The following ACTN4 variants were observed in gnomAD, a reference collection of about 807,000 sequenced individuals.
ACTN4 encodes actinin alpha 4, also known as alpha-actinin-4.
In ACTN4, 18 loss-of-function variants were observed where a neutral mutation model predicts 114.2. The ratio of observed to expected loss-of-function variants is 0.16; its 90% confidence interval spans 0.11 to 0.23. The LOEUF (loss-of-function observed/expected upper bound fraction) is 0.23. Among genes scored for constraint, ACTN4 ranks in the 10% least tolerant of loss-of-function variants. The pLI is 1.00. For synonymous variants in ACTN4, 515 were observed against 506.3 expected (o/e 1.02, Z -0.23); for missense variants, 722 against 1,262.9 (o/e 0.57, Z 6.49).
intron 1 of ACTN4, chr19:38,648,116 G>T: frequency 1.9e-6 from 1 of 526,372 alleles, no homozygotes; most frequent in East Asian, 3.5e-5. Flanking sequence ...GAGAATTGGC[G>T]GCTGGGTGGG....
At chr19:38,694,879 C>CG (rs34150721) in intron 1 of ACTN4, among the ~76,000 whole-genome samples, 8,681 of 151,936 alleles carry the variant, frequency 0.057, 266 homozygotes, top group South Asian at 0.095. Context: ...TGTAATTTTG[C>CG]GGGGGGGCGG....
At chr19:38,702,257 G>A (rs764653028) in intron 3 of ACTN4, among the ~76,000 whole-genome samples, 1 of 152,222 alleles carries the variant, frequency 6.6e-6, no homozygotes, top group Non-Finnish European at 1.5e-5. Context: ...CTCTGTTCAT[G>A]CCCAAATTGG....
At chr19:38,648,627 A>G (rs1005794035) in intron 1 of ACTN4, among the ~76,000 whole-genome samples, 1 of 151,690 alleles carries the variant, frequency 6.6e-6, no homozygotes, top group African/African-American at 2.4e-5. Context: ...TGCGGAAGGA[A>G]GAAGTTAAGG....
intron 1 of ACTN4, among the ~76,000 whole-genome samples, chr19:38,691,410 AAAAACAAAAAAAAC>A (rs1392062321): frequency 6.7e-6 from 1 of 148,964 alleles, no homozygotes; most frequent in Non-Finnish European, 1.5e-5. Context: ...TCAAAAAAAA[AAAAACAAAAAAAAC>A]AAAAAAAAAA....
At chr19:38,660,496 A>G (rs569230569) in intron 1 of ACTN4, among the ~76,000 whole-genome samples, 8 of 151,698 alleles carry the variant, frequency 5.3e-5, no homozygotes, top group Non-Finnish European at 8.8e-5. Context: ...CCTGGGTTCA[A>G]GCAATTCTCC....
chr19:38,706,715 C>T (rs1273042501), intron 5 of ACTN4, among the ~76,000 whole-genome samples: 1 of 152,224 alleles, frequency 6.6e-6, no homozygotes, highest in African/African-American at 2.4e-5. Context: ...CACTGCCTGC[C>T]TCTGGCCTCT....
At chr19:38,728,645 TTTTC>T (rs1276515644) in intron 19 of ACTN4, among the ~76,000 whole-genome samples, 1 of 151,980 alleles carries the variant, frequency 6.6e-6, no homozygotes, top group Non-Finnish European at 1.5e-5. Flanking sequence ...TCTCTCCCCT[TTTTC>T]TTTCTCTTTC....
chr19:38,679,544 C>G (rs539562538), intron 1 of ACTN4, among the ~76,000 whole-genome samples: 1 of 149,460 alleles, frequency 6.7e-6, no homozygotes, highest in Non-Finnish European at 1.5e-5. Flanking sequence ...ATTACCCATA[C>G]GTGCTCAAAT....
intron 1 of ACTN4, among the ~76,000 whole-genome samples, chr19:38,692,855 G>A (rs1967973876): frequency 6.6e-6 from 1 of 152,164 alleles, no homozygotes; most frequent in Admixed American, 6.5e-5. Flanking sequence ...CAGGCAAGGT[G>A]GAAGTTCAGG....
chr19:38,649,346 T>G (rs1599751855), intron 1 of ACTN4, among the ~76,000 whole-genome samples: 1 of 108,490 alleles, frequency 9.2e-6, no homozygotes. Flanking sequence ...GAAAGGAGCG[T>G]GGTGAGTGGG....
At chr19:38,709,569 G>A (rs1968572946) in intron 7 of ACTN4, 93 bp downstream of exon 7, 4 of 1,122,918 alleles carry the variant, frequency 3.6e-6, no homozygotes, top group African/African-American at 3.1e-5. Context: ...GGGCACATCA[G>A]AGCTTTGGGT....
At chr19:38,709,669 G>A (rs773260122) in intron 7 of ACTN4, among the ~76,000 whole-genome samples, 193 bp downstream of exon 7, 2 of 152,212 alleles carry the variant, frequency 1.3e-5, no homozygotes, top group Non-Finnish European at 2.9e-5. Flanking sequence ...GACAGAGCAA[G>A]GGTAGCCTGG....
At chr19:38,703,321 C>T (rs941043233) in intron 3 of ACTN4, among the ~76,000 whole-genome samples, 2 of 151,518 alleles carry the variant, frequency 1.3e-5, no homozygotes, top group African/African-American at 4.9e-5. Context: ...TCACTGCAAC[C>T]TCTGCCTCCC....
intron 1 of ACTN4, among the ~76,000 whole-genome samples, chr19:38,667,368 C>G (rs1265767274): frequency 6.6e-6 from 1 of 151,856 alleles, no homozygotes; most frequent in Non-Finnish European, 1.5e-5. Flanking sequence ...TTAGCAGTCT[C>G]TAAAGAGGCG....
chr19:38,689,656 C>G (rs1305887672), intron 1 of ACTN4, among the ~76,000 whole-genome samples: 1 of 152,088 alleles, frequency 6.6e-6, no homozygotes, highest in South Asian at 2.1e-4. Flanking sequence ...AGTCACCATA[C>G]CCAGTTAATT....
intron 1 of ACTN4, among the ~76,000 whole-genome samples, chr19:38,652,227 G>GA (rs1976585119): frequency 1.3e-5 from 2 of 152,064 alleles, no homozygotes; most frequent in African/African-American, 2.4e-5. Context: ...CTGTTATCTA[G>GA]AAAAAAGACT....
rs868128501 is a variant in ACTN4 at position 38,680,229 on chromosome 19, T to G, written c.163-20371T>G. Among the ~76,000 whole-genome samples, 843 of 147,360 alleles carry G rather than the reference T, an allele frequency of 5.7e-3. 7 individuals carry two copies. The highest frequency in any genetic ancestry group is 0.011 in the South Asian group (52 of 4,632). Reference sequence around the variant, plus strand: ...CTCAGGAAGTTTTTTTTTTTTTTTTTTTTTTTTTTTTTTTTTAAAGTCAGA... The same window carrying G: ...CTCAGGAAGTTTTTTTTTTTTTTTTGTTTTTTTTTTTTTTTTAAAGTCAGA... On this transcript the variant is annotated intron_variant, in intron 1 of 20. Transcript: ENST00000252699.
chr19:38,689,475 A>G (rs1173205291), intron 1 of ACTN4, among the ~76,000 whole-genome samples: 3 of 152,006 alleles, frequency 2.0e-5, no homozygotes, highest in East Asian at 3.9e-4. Context: ...GGTGGTAGAC[A>G]TGTTCCTTGT....
chr19:38,648,069 A>G (rs1976441957), intron 1 of ACTN4, 162 bp downstream of exon 1: 1 of 801,238 alleles, frequency 1.2e-6, no homozygotes, highest in Non-Finnish European at 1.8e-6. Context: ...CTGAGGAGGA[A>G]TCGCCGAGCT....
Sources: allele counts gnomAD v4.1 joint callset (sites outside exome capture counted in the v4.1 genomes callset), GRCh38; gene constraint gnomAD v4.1.1; transcripts MANE v1.5; gene names NCBI Gene and HGNC (gene_info 2026-07-23, HGNC 2026-07-21).